Variants in EEF1E1 observed in about 807,000 individuals in gnomAD.
EEF1E1 encodes eukaryotic translation elongation factor 1 epsilon-1.
EEF1E1 carries 19 observed loss-of-function variants against 19.9 expected under a neutral mutation model. The ratio of observed to expected loss-of-function variants is 0.95; its 90% CI spans 0.66 to 1.40. EEF1E1 has a LOEUF of 1.40. Ranked by LOEUF, EEF1E1 falls within the 40% of genes most tolerant of loss-of-function variation. EEF1E1 has a pLI of 0.00. For synonymous variants in EEF1E1, 81 were observed against 80.0 expected, an observed-to-expected ratio of 1.01 and a Z score of -0.07; for missense variants, 198 against 202.2, an observed-to-expected ratio of 0.98 and a Z score of 0.13.
intron 2 of EEF1E1, among the ~76,000 whole-genome samples, chr6:8,093,341 T>C (rs2113658033): frequency 6.7e-6 from 1 of 149,318 alleles, no homozygotes; most frequent in African/African-American, 2.4e-5. Flanking sequence ...TTTTTTTTTT[T>C]TTACAATTCT....
At chr6:8,099,774 A>C in intron 1 of EEF1E1, among the ~76,000 whole-genome samples, 1 of 123,378 alleles carries the variant, frequency 8.1e-6, no homozygotes. Flanking sequence ...ACACACACAC[A>C]CACACACACA....
At chr6:8,081,193 A>C (rs747985295) in intron 3 of EEF1E1, among the ~76,000 whole-genome samples, 6 of 152,230 alleles carry the variant, frequency 3.9e-5, no homozygotes, top group Non-Finnish European at 7.3e-5. Flanking sequence ...GTTTCAGAAA[A>C]ATTTAAGTTT....
At chr6:8,090,753 T>C (rs1464000222) in intron 2 of EEF1E1, among the ~76,000 whole-genome samples, 1 of 152,228 alleles carries the variant, frequency 6.6e-6, no homozygotes, top group Non-Finnish European at 1.5e-5. Context: ...TTTCTATGAA[T>C]GTGACTACTT....
downstream of EEF1E1, among the ~76,000 whole-genome samples, chr6:8,077,384 G>A (rs1007740688): frequency 4.6e-4 from 70 of 152,220 alleles, no homozygotes; most frequent in African/African-American, 1.6e-3. Flanking sequence ...GCCAGGCACT[G>A]ACTTCTCTCG....
At chr6:8,077,057 C>A (rs1278782923), downstream of EEF1E1, among the ~76,000 whole-genome samples, 1 of 151,652 alleles carries the variant, frequency 6.6e-6, no homozygotes, top group Non-Finnish European at 1.5e-5. Flanking sequence ...CATTCTCCTG[C>A]CTCAGCTTCC....
intron 3 of EEF1E1, among the ~76,000 whole-genome samples, chr6:8,085,559 T>C (rs891476914): frequency 2.0e-5 from 3 of 152,246 alleles, no homozygotes; most frequent in Non-Finnish European, 4.4e-5. Context: ...TCTTATTTTG[T>C]GTAAATTGAA....
chr6:8,102,392 C>T, intron 1 of EEF1E1, 43 bp downstream of exon 1: 1 of 1,586,068 alleles, frequency 6.3e-7, no homozygotes, highest in Non-Finnish European at 8.6e-7. Flanking sequence ...GCAGGCCCCG[C>T]TCCCGTCCAC....
chr6:8,086,154 CTG>C (rs776592358), intron 3 of EEF1E1, among the ~76,000 whole-genome samples: 3 of 152,110 alleles, frequency 2.0e-5, no homozygotes, highest in Non-Finnish European at 2.9e-5. Flanking sequence ...TAAATTCAAA[CTG>C]AGGGATTATA....
chr6:8,101,927 C>T (rs1337457487), intron 1 of EEF1E1: 13 of 1,234,292 alleles, frequency 1.1e-5, no homozygotes, highest in Non-Finnish European at 1.4e-5. Context: ...TAAATGGTTG[C>T]AATGTTTGTC....
At chr6:8,101,817 C>T (rs1477487436) in intron 1 of EEF1E1, 1 of 1,289,292 alleles carries the variant, frequency 7.8e-7, no homozygotes, top group Non-Finnish European at 1.0e-6. Flanking sequence ...ACTGATAATC[C>T]AAGGCTTTAG....
At chr6:8,101,731 C>T (rs1459274025) in intron 1 of EEF1E1, 4 of 1,287,352 alleles carry the variant, frequency 3.1e-6, no homozygotes, top group Admixed American at 2.3e-5. Context: ...AAAACACAAA[C>T]GTTCTAACAG....
chr6:8,077,082 T>C (rs922409723), downstream of EEF1E1, among the ~76,000 whole-genome samples: 7 of 152,032 alleles, frequency 4.6e-5, no homozygotes, highest in African/African-American at 1.7e-4. Flanking sequence ...TAGCTGGGAC[T>C]ACAGGCGCCC....
intron 1 of EEF1E1, among the ~76,000 whole-genome samples, chr6:8,098,393 C>A (rs1758234083): frequency 6.6e-6 from 1 of 152,100 alleles, no homozygotes; most frequent in Admixed American, 6.5e-5. Flanking sequence ...GCTAGGATTA[C>A]AAGCGTGAGC....
chr6:8,074,134 C>T lies in EEF1E1; in HGVS notation c.385-624G>A, dbSNP rs147116113. On this transcript the variant is annotated intron_variant, in intron 3 of 3. Coordinates refer to the EEF1E1 transcript ENST00000429723. ...GATGTCTGGAGTTCTGACGTTAATA[C>T]TGGACCATACGTTGAACTTAAGAAT... is the stretch of plus-strand genomic sequence containing the variant. Among the ~76,000 whole-genome samples the T allele has an allele frequency of 1.8e-3, 277 of 152,294 alleles. 3 individuals are homozygous for T. Among genetic ancestry groups the T allele is most frequent in the African/African-American group, 6.4e-3 (266 of 41,550 alleles).
intron 2 of EEF1E1, among the ~76,000 whole-genome samples, chr6:8,092,574 A>G (rs1357812205): frequency 6.6e-6 from 1 of 152,198 alleles, no homozygotes; most frequent in East Asian, 1.9e-4. Flanking sequence ...ACAGGCATGG[A>G]AGAATCAAAA....
chr6:8,101,285 G>T, intron 1 of EEF1E1, among the ~76,000 whole-genome samples: 1 of 100,214 alleles, frequency 1.0e-5, no homozygotes, highest in African/African-American at 4.1e-5. Flanking sequence ...TATATATATG[G>T]CACTCTTCCA....
intron 3 of EEF1E1, among the ~76,000 whole-genome samples, chr6:8,087,188 G>A (rs542029423): frequency 6.6e-6 from 1 of 152,306 alleles, no homozygotes; most frequent in East Asian, 1.9e-4. Flanking sequence ...GTGGCTGAGA[G>A]AATGACGGGA....
downstream of EEF1E1, among the ~76,000 whole-genome samples, chr6:8,075,344 G>T (rs1757565530): frequency 6.6e-6 from 1 of 152,162 alleles, no homozygotes; most frequent in African/African-American, 2.4e-5. Flanking sequence ...AATACATCAC[G>T]TAAAAACTGT....
chr6:8,076,951 T>TTG (rs1269731963), downstream of EEF1E1, among the ~76,000 whole-genome samples: 2 of 134,730 alleles, frequency 1.5e-5, no homozygotes, highest in African/African-American at 5.7e-5. Context: ...GTTTTTGTTT[T>TTG]TTTTTTTTTG....
Sources: allele counts gnomAD v4.1 joint callset (sites outside exome capture counted in the v4.1 genomes callset), GRCh38; gene constraint gnomAD v4.1.1; transcripts MANE v1.5; gene names NCBI Gene and HGNC (gene_info 2026-07-23, HGNC 2026-07-21).